Variants in DNHD1 observed in about 807,000 individuals in gnomAD.
DNHD1 encodes the protein dynein heavy chain domain 1.
In DNHD1, 383 loss-of-function variants were observed where a neutral mutation model predicts 458.1. The observed-to-expected ratio is 0.84, with a 90% CI of 0.77 to 0.91. The LOEUF (loss-of-function observed/expected upper bound fraction) is 0.91, where lower values mean the gene tolerates loss of function less well. DNHD1 is among the 40% of genes least tolerant of loss of function. DNHD1 has a pLI of 0.00. For synonymous variants in DNHD1, 2,203 were observed against 2,376.9 expected (o/e 0.93, Z 2.13); for missense variants, 5,336 against 5,866.1 (o/e 0.91, Z 2.95).
rs993722744 is a variant in DNHD1, at chr11:6,568,758, T to C, written c.12755T>C (p.Val4252Ala). Reference sequence around the variant, plus strand: ...GACAGTGTGGAGCTAGCCCAGCAAGTACTCTACATGCAACCCCCCACCCAG... The same window carrying C: ...GACAGTGTGGAGCTAGCCCAGCAAGCACTCTACATGCAACCCCCCACCCAG... ...LIDSVELAQQVLYMQPPTQAL... is the reference protein window; with the variant it reads ...LIDSVELAQQALYMQPPTQAL... The change falls in exon 39 of 43, where the codon GTA becomes GCA. Residue 4252 changes from valine to alanine, a missense_variant. Val to Ala is a moderately conservative substitution (Grantham distance 64). This residue lies in a region of DNHD1 where 698 missense variants were observed against 664.9 expected (regional missense o/e 1.05). Transcript: ENST00000254579. 3.7e-6 allele frequency: 6 copies of C among 1,613,498 alleles called. No individual in the cohort carries two copies. The African/African-American group carries it at 5.3e-5, about 14-fold the overall frequency.
Position 6,502,755 on chromosome 11 carries a change from C to A in DNHD1, c.749C>A (p.Ser250Tyr), listed in dbSNP as rs769278853. The A allele has an allele frequency of 2.5e-6, 4 of 1,588,584 alleles. No homozygotes were observed. Among genetic ancestry groups the A allele is most frequent in the African/African-American group, 1.4e-5 (1 of 73,476 alleles). The change falls in exon 4 of 43, where the codon TCT (serine) becomes TAT (tyrosine). Residue 250 changes from serine to tyrosine, a missense_variant and splice_region_variant. By Grantham distance (144) the Ser-to-Tyr change is moderately radical. Coordinates refer to ENST00000254579, the MANE Select transcript of DNHD1 (RefSeq NM_144666.3). ...VEPVGRKETR[S>Y]QLDYEVPREK... is the part of the protein sequence containing the mutation. The stretch of plus-strand genomic sequence containing the variant: ...TCTCCTGATTTTCTGTCACACAGGT[C>A]TCAGCTTGACTATGAAGTTCCCAGG...
Position 6,571,686 on chromosome 11 carries a change from C to A in DNHD1, c.13962C>A (p.Ile4654=), listed in dbSNP as rs769327771. 6.2e-7 allele frequency: 1 copy of A among 1,609,966 alleles called. No homozygotes were observed. The highest frequency in any genetic ancestry group is 8.5e-7 in the Non-Finnish European group (1 of 1,177,956). ...PTVPERGLLL[I]GLQVLHAEWD... is the part of the protein sequence containing the mutation. ...TTCCAGAGAGAGGGCTGCTGCTGATCGGGCTACAGGTCCTACATGCGGAGT... is the reference window on the plus strand; with the variant it reads ...TTCCAGAGAGAGGGCTGCTGCTGATAGGGCTACAGGTCCTACATGCGGAGT... The change falls in exon 43 of 43, where the codon ATC becomes ATA. Residue 4654 remains isoleucine, a synonymous_variant. Transcript: ENST00000254579. The surrounding 1 kb of genome is among the most constrained non-coding windows in gnomAD (Gnocchi z 5.0).
At position 6,570,059 on chromosome 11, in the gene DNHD1, C is replaced by T. The variant is rs762919628; in HGVS notation, c.12914C>T (p.Ala4305Val). The change falls in exon 40 of 43, where the codon GCA (alanine) becomes GTA (valine). Residue 4305 changes from alanine to valine, a missense_variant. Ala to Val is a moderately conservative substitution (Grantham distance 64). This residue lies in a region of DNHD1 where 698 missense variants were observed against 664.9 expected (regional missense o/e 1.05). Transcript: ENST00000254579. ...QVLQTQDQLWASLSNPRAAMQ... is the reference protein window; with the variant it reads ...QVLQTQDQLWVSLSNPRAAMQ... ...CTTCAGACCCAAGACCAGCTGTGGGCAAGTCTTAGCAATCCCCGTGCTGCC... is the reference window on the plus strand; with the variant it reads ...CTTCAGACCCAAGACCAGCTGTGGGTAAGTCTTAGCAATCCCCGTGCTGCC... The T allele has an allele frequency of 2.5e-6, 4 of 1,613,744 alleles. No individual in the cohort carries two copies. In the Admixed American group the frequency reaches 6.7e-5, roughly 27 times the overall value.
intron 29 of DNHD1, 35 bp from the exon 30 acceptor site, chr11:6,563,347 G>T: frequency 6.5e-7 from 1 of 1,548,278 alleles, no homozygotes; most frequent in South Asian, 1.2e-5. Context: ...GAACATCTCA[G>T]GAGCTCACTT....
At chr11:6,511,796 C>G (rs1182863062) in intron 7 of DNHD1, among the ~76,000 whole-genome samples, 1 of 152,216 alleles carries the variant, frequency 6.6e-6, no homozygotes, top group African/African-American at 2.4e-5. Context: ...CTATCTTGAA[C>G]CTTTGGAAGG....
chr11:6,570,497 G>A, intron 41 of DNHD1, 101 bp downstream of exon 41: 1 of 1,483,526 alleles, frequency 6.7e-7, no homozygotes, highest in East Asian at 2.5e-5. Flanking sequence ...GGTATATGAG[G>A]GGGTAATATT....
In DNHD1 at chr11:6,509,078, T is replaced by C; in HGVS notation, c.1119T>C (p.Phe373=). ...AGTATTGCCTCTTACGCAAGTCCTT[T>C]ACCTGGTAGGTAATGACGGATATGT... ...FFKYCLLRKS[F]TCWKKNVRLQ... Residue 373 remains phenylalanine, a synonymous_variant, in exon 5 of 43, where the codon TTT becomes TTC. Transcript: ENST00000254579. The C allele has an allele frequency of 1.2e-6, 2 of 1,614,234 alleles. No individual in the cohort carries two copies. The highest frequency in any genetic ancestry group is 1.7e-6 in the Non-Finnish European group (2 of 1,180,032).
Position 6,571,614 on chromosome 11 carries a change from G to T in DNHD1, c.13912-22G>T. On this transcript the variant is annotated intron_variant, in intron 42 of 42. Coordinates refer to ENST00000254579, the MANE Select transcript of DNHD1 (RefSeq NM_144666.3). This position sits in a 1 kb window ranked among gnomAD's most constrained non-coding sequence, Gnocchi z 5.0. ...ACCTCCCAGCTTCCTAGCCTTGCCT[G>T]ACCAGCTTCTGACGCCCCCAGGTGG... The T allele has an allele frequency of 1.3e-6, 2 of 1,532,342 alleles. No homozygotes were observed. Among genetic ancestry groups the T allele is most frequent in the South Asian group, 2.5e-5 (2 of 78,646 alleles). 94.9% of individuals were successfully genotyped at this position (1,532,342 alleles called of 1,614,324 possible).
chr11:6,564,961 A>G (rs1853666138), intron 32 of DNHD1, among the ~76,000 whole-genome samples, 157 bp downstream of exon 32: 2 of 152,280 alleles, frequency 1.3e-5, no homozygotes, highest in African/African-American at 4.8e-5. Context: ...ATTTGGTCAC[A>G]TTTATTTTTT....
At chr11:6,522,351 C>A (rs996474689) in intron 10 of DNHD1, among the ~76,000 whole-genome samples, 5 of 152,110 alleles carry the variant, frequency 3.3e-5, no homozygotes, top group African/African-American at 1.2e-4. Context: ...TTAACTGGAT[C>A]CCATTTGTCA....
In DNHD1 at chr11:6,557,644, A is replaced by G; in HGVS notation, c.8349A>G (p.Val2783=). ...GTRASNYRLQ[V]RRSFKTWWQK... ...GGGCATCCAACTATAGGCTCCAGGT[A>G]AGGAGATCATTCAAGACTTGGTGGC... Residue 2783 remains valine, a synonymous_variant, in exon 25 of 43, where the codon GTA becomes GTG. Transcript: ENST00000254579. 6.4e-7 allele frequency: 1 copy of G among 1,551,746 alleles called. No individual in the cohort carries two copies. The highest frequency in any genetic ancestry group is 8.7e-7 in the Non-Finnish European group (1 of 1,146,990).
At chr11:6,554,794 T>G (rs1049286742) in intron 24 of DNHD1, among the ~76,000 whole-genome samples, 1 of 152,192 alleles carries the variant, frequency 6.6e-6, no homozygotes, top group Non-Finnish European at 1.5e-5. Flanking sequence ...CTCTCTCACT[T>G]TGATGGTGAG....
chr11:6,532,313 TATGAG>T (rs1191642489), intron 12 of DNHD1, among the ~76,000 whole-genome samples: 1 of 152,226 alleles, frequency 6.6e-6, no homozygotes, highest in Non-Finnish European at 1.5e-5. Context: ...TCTTAGATTT[TATGAG>T]GTATCATATG....
At position 6,546,800 on chromosome 11, in the gene DNHD1, C is replaced by T. The variant is rs1247035560; in HGVS notation, c.5861C>T (p.Pro1954Leu). 13 of 1,551,850 alleles carry T rather than the reference C, an allele frequency of 8.4e-6. No individual in the cohort carries two copies. The highest frequency in any genetic ancestry group is 1.1e-5 in the Non-Finnish European group (13 of 1,147,034). Residue 1954 changes from proline to leucine, a missense_variant, in exon 21 of 43, where the codon CCA becomes CTA. This residue lies in a region of DNHD1 where 3,932 missense variants were observed against 4,365.6 expected (regional missense o/e 0.90). Transcript: ENST00000254579. ...AEPMTYKLMK[P>L]LVVEELQQVG... ...CCTATGACTTACAAGCTGATGAAGC[C>T]ATTGGTGGTGGAGGAACTGCAACAG...
In DNHD1 at chr11:6,571,524, T is replaced by C; in HGVS notation, c.13911+101T>C. ...TTGGTGATCTTGCCCCCGGTAACCC[T>C]GCTAGCTTCTCCGATCTCGCTTCAC... On this transcript the variant is annotated intron_variant, in intron 42 of 42. Coordinates refer to ENST00000254579, the MANE Select transcript of DNHD1 (RefSeq NM_144666.3). The surrounding 1 kb of genome is among the most constrained non-coding windows in gnomAD (Gnocchi z 5.0). The C allele has an allele frequency of 4.1e-6, 6 of 1,459,828 alleles. No individual in the cohort carries two copies. The highest frequency in any genetic ancestry group is 5.5e-6 in the Non-Finnish European group (6 of 1,095,742). The allele number at this position is 1,459,828 out of a possible 1,614,324, so 90.4% of individuals were successfully genotyped here.
Position 6,567,758 on chromosome 11 carries a change from G to A in DNHD1, c.12249G>A (p.Gln4083=). The stretch of plus-strand genomic sequence containing the variant: ...CCACCATGCCCTTTAAACATAGTCA[G>A]GCTACTCAGCCCATGCTGATCTTGT... ...YAPTMPFKHS[Q]ATQPMLILLP... Residue 4083 remains glutamine, a synonymous_variant, in exon 36 of 43, where the codon CAG becomes CAA. Coordinates refer to ENST00000254579, the MANE Select transcript of DNHD1 (RefSeq NM_144666.3). 1 of 1,613,958 alleles carries A rather than the reference G, an allele frequency of 6.2e-7. No homozygotes were observed. The highest frequency in any genetic ancestry group is 8.5e-7 in the Non-Finnish European group (1 of 1,179,896).
At position 6,539,297 on chromosome 11, in the gene DNHD1, C is replaced by A; in HGVS notation, c.3404C>A (p.Ala1135Glu). The change falls in exon 17 of 43, where the codon GCA becomes GAA. Residue 1135 changes from alanine to glutamate, a missense_variant. Physicochemically the swap from Ala to Glu is moderately radical, Grantham distance 107 (BLOSUM62 -1). Around this residue, in one of 4 missense-constraint regions of DNHD1, gnomAD observed 3,932 missense variants for 4,365.6 expected, o/e 0.90. Transcript: ENST00000254579. ...QLLTYPLLEF[A>E]DRINQVWQNE... Reference sequence around the variant, plus strand: ...CTTACTTATCCACTGCTGGAGTTTGCAGATCGAATCAACCAGGTGGGGCCC... The same window carrying A: ...CTTACTTATCCACTGCTGGAGTTTGAAGATCGAATCAACCAGGTGGGGCCC... 1.3e-6 allele frequency: 2 copies of A among 1,551,416 alleles called. No homozygotes were observed. Among genetic ancestry groups the A allele is most frequent in the Non-Finnish European group, 1.7e-6 (2 of 1,146,806 alleles).
At chr11:6,539,765 C>T in intron 17 of DNHD1, 111 bp from the exon 18 acceptor site, 1 of 987,522 alleles carries the variant, frequency 1.0e-6, no homozygotes, top group African/African-American at 1.6e-5. Flanking sequence ...CCTCCACTTT[C>T]CTGAGCCCTG....
Position 6,528,746 on chromosome 11 carries a change from A to G in DNHD1, c.2062A>G (p.Lys688Glu). 3 of 1,551,740 alleles carry G rather than the reference A, an allele frequency of 1.9e-6. No homozygotes were observed. The highest frequency in any genetic ancestry group is 1.2e-5 in the South Asian group (1 of 84,058). Residue 688 changes from lysine (K) to glutamate (E), a missense_variant, in exon 11 of 43, where the codon AAG becomes GAG. Physicochemically the swap from Lys to Glu is moderately conservative, Grantham distance 56. This residue lies in a region of DNHD1 where 3,932 missense variants were observed against 4,365.6 expected (regional missense o/e 0.90). Transcript: ENST00000254579. ...GGAGGAAGACCTGGACAACAACCCT[A>G]AGATCCAGCAGGCACTGAATATACA... The part of the protein sequence containing the change: ...QLEEDLDNNP[K>E]IQQALNIQQV...
Sources: gnomAD v4.1 joint callset for allele counts (sites outside exome capture counted in the v4.1 genomes callset) on GRCh38, gnomAD v4.1.1 for gene constraint, gnomAD v4.1.1 regional missense constraint, Gnocchi (gnomAD v3.1) non-coding constraint, MANE v1.5 for transcripts, NCBI Gene and HGNC (gene_info 2026-07-23, HGNC 2026-07-21) for gene names.